PSD3: variants seen among roughly 807,000 people sequenced by gnomAD.
PSD3 encodes pleckstrin and Sec7 domain containing 3, also known as PH and SEC7 domain-containing protein 3.
In PSD3, 49 loss-of-function variants were observed where a neutral mutation model predicts 105.5. The ratio of observed to expected loss-of-function variants is 0.46; its 90% confidence interval spans 0.37 to 0.59. PSD3 has a LOEUF of 0.59. Among genes scored for constraint, PSD3 ranks in the 20% least tolerant of loss-of-function variants. PSD3 has a pLI of 0.00. For missense variants in PSD3, 1,561 were observed against 1,263.8 expected (o/e 1.24, Z -3.57); for synonymous variants, 557 against 457.8 (o/e 1.22, Z -2.77).
chr8:18,747,757 C>T (rs947922560), intron 9 of PSD3, among the ~76,000 whole-genome samples: 1 of 151,878 alleles, frequency 6.6e-6, no homozygotes, highest in Admixed American at 6.6e-5. Flanking sequence ...GTACCAATGT[C>T]TGCTCAGTAT....
At chr8:18,820,473 G>A (rs988351785) in intron 4 of PSD3, among the ~76,000 whole-genome samples, 57 of 151,898 alleles carry the variant, frequency 3.8e-4, no homozygotes, top group Admixed American at 3.7e-3. Flanking sequence ...ATATAAACTG[G>A]CACTCAGTAT....
chr8:18,568,696 C>G (rs571398841), intron 14 of PSD3, among the ~76,000 whole-genome samples: 1 of 69,750 alleles, frequency 1.4e-5, no homozygotes, highest in East Asian at 4.4e-4. Flanking sequence ...TCTAGTAGTA[C>G]CTTCTTCTTC....
chr8:18,731,766 C>G (rs1803768393), intron 9 of PSD3, among the ~76,000 whole-genome samples: 1 of 152,166 alleles, frequency 6.6e-6, no homozygotes, highest in African/African-American at 2.4e-5. Flanking sequence ...AACTAGGTAA[C>G]TACCTTCCAG....
chr8:18,552,848 G>C (rs1377327969), intron 15 of PSD3, among the ~76,000 whole-genome samples: 1 of 152,112 alleles, frequency 6.6e-6, no homozygotes, highest in Admixed American at 6.6e-5. Flanking sequence ...TTAGAGTTAA[G>C]TCAATGAAGA....
At chr8:18,713,650 A>G (rs562142945) in intron 9 of PSD3, among the ~76,000 whole-genome samples, 1 of 152,338 alleles carries the variant, frequency 6.6e-6, no homozygotes, top group South Asian at 2.1e-4. Flanking sequence ...CAAATGAAAA[A>G]ACGTTCTATG....
intron 14 of PSD3, among the ~76,000 whole-genome samples, chr8:18,569,932 C>A (rs1408096555): frequency 1.0e-4 from 2 of 19,120 alleles, no homozygotes; most frequent in Non-Finnish European, 3.9e-4. Flanking sequence ...CCATCCCCAT[C>A]AAGCTACCAA....
chr8:18,669,986 A>T (rs2130908219), intron 9 of PSD3, among the ~76,000 whole-genome samples: 1 of 152,316 alleles, frequency 6.6e-6, no homozygotes, highest in African/African-American at 2.4e-5. Flanking sequence ...CACAGAACTT[A>T]GATTTGAGTG....
intron 4 of PSD3, among the ~76,000 whole-genome samples, chr8:18,843,652 G>C (rs1055535504): frequency 6.6e-6 from 1 of 152,178 alleles, no homozygotes; most frequent in African/African-American, 2.4e-5. Flanking sequence ...TAGAGAAGTA[G>C]AGAAGTAATG....
At position 18,725,033 on chromosome 8, in the gene PSD3, G is replaced by T. The variant is rs565148216; in HGVS notation, c.2172+40416C>A. Among the ~76,000 whole-genome samples the T allele has an allele frequency of 2.6e-5, 4 of 152,274 alleles. No homozygotes were observed. The East Asian group carries it at 5.8e-4, about 22-fold the overall frequency. ...GAATTCTACCATGTTGGGAATCATT[G>T]AGCAAATCTAATTTCCTTGTTCTTT... On this transcript the variant is annotated intron_variant, in intron 9 of 15. Transcript: ENST00000327040.
chr8:18,688,061 G>T (rs1002768717), intron 9 of PSD3, among the ~76,000 whole-genome samples: 1 of 151,932 alleles, frequency 6.6e-6, no homozygotes, highest in African/African-American at 2.4e-5. Context: ...GAGCCACTAC[G>T]CTTGGTCTAT....
chr8:18,975,023 A>C (rs953444033), intron 1 of PSD3, among the ~76,000 whole-genome samples: 1 of 152,214 alleles, frequency 6.6e-6, no homozygotes, highest in South Asian at 2.1e-4. Context: ...GTATGAAAAG[A>C]AACACAACAG....
intron 12 of PSD3, among the ~76,000 whole-genome samples, chr8:18,599,474 T>C (rs1804273363): frequency 6.6e-6 from 1 of 152,096 alleles, no homozygotes; most frequent in Non-Finnish European, 1.5e-5. Flanking sequence ...TCACAAAAGG[T>C]GGAAACGACC....
At chr8:18,864,847 T>C (rs1339748834) in intron 4 of PSD3, 1 of 151,984 alleles carries the variant, frequency 6.6e-6, no homozygotes, top group Non-Finnish European at 1.5e-5. Context: ...CAGAGGGATG[T>C]TTTAACGCAG....
chr8:19,069,616 A>G (rs1829187378), intron 1 of PSD3, among the ~76,000 whole-genome samples: 1 of 152,214 alleles, frequency 6.6e-6, no homozygotes, highest in African/African-American at 2.4e-5. Flanking sequence ...CCTACGATTT[A>G]GTGAGAACGT....
intron 11 of PSD3, among the ~76,000 whole-genome samples, chr8:18,630,767 T>C (rs1806839375): frequency 6.6e-6 from 1 of 151,948 alleles, no homozygotes; most frequent in Admixed American, 6.6e-5. Flanking sequence ...ATGGAAAATA[T>C]TCCCTCTAAA....
chr8:19,053,597 G>A (rs1175011134), intron 1 of PSD3, among the ~76,000 whole-genome samples: 1 of 151,982 alleles, frequency 6.6e-6, no homozygotes, highest in African/African-American at 2.4e-5. Context: ...CCAGGAGTTC[G>A]AGACCAACAT....
At chr8:18,665,342 G>T (rs1298594866) in intron 9 of PSD3, among the ~76,000 whole-genome samples, 1 of 152,240 alleles carries the variant, frequency 6.6e-6, no homozygotes, top group African/African-American at 2.4e-5. Flanking sequence ...GGGGGTTTGA[G>T]ACTTCAGCAG....
At chr8:18,636,665 A>T (rs1016254988) in intron 10 of PSD3, among the ~76,000 whole-genome samples, 2 of 152,214 alleles carry the variant, frequency 1.3e-5, no homozygotes, top group African/African-American at 2.4e-5. Flanking sequence ...ATTTACAAAA[A>T]ATCTTTAATG....
At chr8:19,066,166 A>G (rs1420272198) in intron 1 of PSD3, among the ~76,000 whole-genome samples, 4 of 152,182 alleles carry the variant, frequency 2.6e-5, no homozygotes, top group African/African-American at 7.2e-5. Context: ...AATTTGTTGA[A>G]TTTTTAAAAG....
Sources: allele counts gnomAD v4.1 joint callset (sites outside exome capture counted in the v4.1 genomes callset), GRCh38; gene constraint gnomAD v4.1.1; transcripts MANE v1.5; gene names NCBI Gene and HGNC (gene_info 2026-07-23, HGNC 2026-07-21).